The following DGKH variants were observed in gnomAD, a reference collection of about 807,000 sequenced individuals.
The protein encoded by DGKH is diacylglycerol kinase eta, also known as DAG kinase eta.
A neutral mutation model predicts 159.3 loss-of-function variants in DGKH; 90 were observed. That is an observed-to-expected ratio of 0.57 (90% CI 0.48 to 0.67). DGKH has a LOEUF of 0.67. DGKH is among the 30% of genes least tolerant of loss of function. The pLI is 0.00. For synonymous variants in DGKH, 536 were observed against 553.8 expected, an observed-to-expected ratio of 0.97 and a Z score of 0.45; for missense variants, 1,181 against 1,506.1, an observed-to-expected ratio of 0.78 and a Z score of 3.57.
At chr13:42,119,868 C>T (rs1297214278) in intron 1 of DGKH, among the ~76,000 whole-genome samples, 1 of 152,126 alleles carries the variant, frequency 6.6e-6, no homozygotes, top group Non-Finnish European at 1.5e-5. Context: ...TTTTATACCT[C>T]TTATTTTTTG....
intron 3 of DGKH, among the ~76,000 whole-genome samples, chr13:42,139,989 G>A (rs760370009): frequency 6.6e-6 from 1 of 152,114 alleles, no homozygotes; most frequent in African/African-American, 2.4e-5. Flanking sequence ...AGGAGGGGAC[G>A]GAATTACAAT....
chr13:42,176,794 C>T (rs1956616041), intron 12 of DGKH, among the ~76,000 whole-genome samples: 1 of 152,104 alleles, frequency 6.6e-6, no homozygotes, highest in African/African-American at 2.4e-5. Flanking sequence ...ATCATTTATA[C>T]TAGAAAATTT....
At chr13:42,149,690 CTGT>C (rs1324907468) in intron 3 of DGKH, among the ~76,000 whole-genome samples, 5 of 152,302 alleles carry the variant, frequency 3.3e-5, no homozygotes, top group Admixed American at 3.3e-4. Flanking sequence ...TTAACATACT[CTGT>C]TGTTGGATTG....
At position 42,097,739 on chromosome 13, in the gene DGKH, G is replaced by T. The variant is rs376322596; in HGVS notation, c.193-29724G>T. ...TAAACCTCCAGCCTTATTCCTGGGT[G>T]GGGGAGGCAGTTGCAGCTTTCCAGA... On this transcript the variant is annotated intron_variant, in intron 1 of 29. Transcript: ENST00000337343. Among the ~76,000 whole-genome samples the T allele has an allele frequency of 1.9e-3, 289 of 152,320 alleles. 1 individual carries two copies. The highest frequency in any genetic ancestry group is 6.6e-3 in the African/African-American group (275 of 41,568).
chr13:42,094,049 A>G (rs1308564132), intron 1 of DGKH, among the ~76,000 whole-genome samples: 1 of 146,930 alleles, frequency 6.8e-6, no homozygotes, highest in Non-Finnish European at 1.5e-5. Context: ...TTGTATAACA[A>G]TGATGTCAAA....
In DGKH at chr13:42,235,981, A is replaced by G. The variant is rs1428948568; in HGVS notation, c.*6793A>G. ...TATGCTGGCTATTCAAACTGCCAAGATGTATTTTAGTTTGCAGGATTTTTG... is the reference window on the plus strand; with the variant it reads ...TATGCTGGCTATTCAAACTGCCAAGGTGTATTTTAGTTTGCAGGATTTTTG... On this transcript the variant is annotated 3_prime_UTR_variant, in exon 30 of 30. Coordinates refer to ENST00000337343, the MANE Select transcript of DGKH (RefSeq NM_178009.5). The G allele has an allele frequency of 6.6e-6, 1 of 152,124 alleles. No homozygotes were observed. Among genetic ancestry groups the G allele is most frequent in the Admixed American group, 6.5e-5 (1 of 15,282 alleles). The allele number at this position is 152,124 out of a possible 1,614,324, so 9.4% of individuals were successfully genotyped here.
intron 1 of DGKH, among the ~76,000 whole-genome samples, chr13:42,076,340 A>G (rs1037219520): frequency 2.6e-5 from 4 of 152,184 alleles, no homozygotes; most frequent in Admixed American, 1.3e-4. Flanking sequence ...TGTATGCTAT[A>G]TTTGTATGTG....
intron 21 of DGKH, 49 bp downstream of exon 21, chr13:42,206,195 C>A: frequency 8.3e-7 from 1 of 1,211,310 alleles, no homozygotes; most frequent in Non-Finnish European, 1.1e-6. Context: ...AATTATATCA[C>A]TGGAATAATT....
intron 3 of DGKH, among the ~76,000 whole-genome samples, chr13:42,149,263 C>T (rs1412896094): frequency 3.9e-5 from 6 of 152,062 alleles, no homozygotes; most frequent in Admixed American, 1.3e-4. Flanking sequence ...TCTTCTTCCC[C>T]GACAAAGCAT....
At chr13:42,070,171 G>T (rs958787419) in intron 1 of DGKH, 5 of 926,698 alleles carry the variant, frequency 5.4e-6, no homozygotes, top group Non-Finnish European at 1.8e-6. Context: ...CGCTTCTTCT[G>T]CTATTAACCA....
At chr13:42,130,508 A>G (rs913557711) in intron 3 of DGKH, among the ~76,000 whole-genome samples, 3 of 152,176 alleles carry the variant, frequency 2.0e-5, no homozygotes, top group Non-Finnish European at 2.9e-5. Flanking sequence ...CATGTGGGCT[A>G]CTTTTTATAA....
chr13:42,127,026 A>G (rs1367622398), intron 1 of DGKH, among the ~76,000 whole-genome samples: 2 of 152,208 alleles, frequency 1.3e-5, no homozygotes, highest in Non-Finnish European at 2.9e-5. Context: ...ACAGATGAAT[A>G]AATAAAGCCA....
chr13:42,188,846 C>G (rs1280792051), intron 14 of DGKH, among the ~76,000 whole-genome samples, 190 bp from the exon 15 acceptor site: 2 of 152,166 alleles, frequency 1.3e-5, no homozygotes, highest in East Asian at 3.8e-4. Context: ...TTGTCTATCT[C>G]TACTAAATGG....
chr13:42,086,161 G>A (rs552337759), intron 1 of DGKH, among the ~76,000 whole-genome samples: 19 of 152,126 alleles, frequency 1.2e-4, no homozygotes, highest in East Asian at 9.7e-4. Flanking sequence ...CAAGTAATCC[G>A]CCCACCTTTG....
At position 42,155,285 on chromosome 13, in the gene DGKH, T is replaced by G; in HGVS notation, c.385-6T>G. On this transcript the variant is annotated splice_polypyrimidine_tract_variant and splice_region_variant and intron_variant, in intron 3 of 29. Transcript: ENST00000337343. ...AACAATCATTAGATTGAATTATCCC[T>G]TTCAGATCATCACTCCATTCAGAAG... The G allele has an allele frequency of 6.3e-7, 1 of 1,586,112 alleles. No homozygotes were observed. The highest frequency in any genetic ancestry group is 8.5e-7 in the Non-Finnish European group (1 of 1,171,586).
intron 3 of DGKH, among the ~76,000 whole-genome samples, chr13:42,142,445 A>C (rs1441704475): frequency 6.6e-6 from 1 of 151,458 alleles, no homozygotes; most frequent in Non-Finnish European, 1.5e-5. Flanking sequence ...AGTCATTGGT[A>C]GCTTGATGGG....
At chr13:42,097,106 T>G (rs1329680781) in intron 1 of DGKH, among the ~76,000 whole-genome samples, 2 of 152,228 alleles carry the variant, frequency 1.3e-5, no homozygotes, top group Non-Finnish European at 2.9e-5. Context: ...CTCTTTTCCT[T>G]AGGAATCTGA....
intron 1 of DGKH, among the ~76,000 whole-genome samples, chr13:42,102,910 C>T (rs1013096255): frequency 5.9e-5 from 9 of 152,190 alleles, no homozygotes; most frequent in African/African-American, 1.9e-4. Context: ...GTCCTACTTA[C>T]TTGGGACAAT....
intron 21 of DGKH, among the ~76,000 whole-genome samples, chr13:42,207,011 C>CTT (rs1555275972): frequency 4.3e-5 from 6 of 138,828 alleles, no homozygotes; most frequent in African/African-American, 1.4e-4. Context: ...TTCTTTCTTT[C>CTT]TTTCTTTCTT....
Sources: gnomAD v4.1 joint callset for allele counts (sites outside exome capture counted in the v4.1 genomes callset) on GRCh38, gnomAD v4.1.1 for gene constraint, MANE v1.5 for transcripts, NCBI Gene and HGNC (gene_info 2026-07-23, HGNC 2026-07-21) for gene names.